The following PCDHA13 variants were observed in gnomAD, a reference collection of about 807,000 sequenced individuals.
The protein encoded by PCDHA13 is protocadherin alpha 13, also known as protocadherin alpha-13.
A neutral mutation model predicts 64.8 loss-of-function variants in PCDHA13; 54 were observed. The ratio of observed to expected loss-of-function variants is 0.83; its 90% CI spans 0.67 to 1.04. PCDHA13 has a LOEUF of 1.04. PCDHA13 is among the 50% of genes least tolerant of loss of function. The pLI, the probability that PCDHA13 is intolerant of heterozygous loss-of-function variation, is 0.00. For missense variants in PCDHA13, 1,248 were observed against 1,254.3 expected, an observed-to-expected ratio of 0.99 and a Z score of 0.08; for synonymous variants, 587 against 564.4, an observed-to-expected ratio of 1.04 and a Z score of -0.57.
At chr5:140,995,060 A>C (rs1424126097) in intron 3 of PCDHA13, among the ~76,000 whole-genome samples, 2 of 152,204 alleles carry the variant, frequency 1.3e-5, no homozygotes, top group African/African-American at 2.4e-5. Context: ...AATTTTCAAA[A>C]ATCAACCTAC....
chr5:140,900,630 G>A (rs1355486036), intron 1 of PCDHA13, among the ~76,000 whole-genome samples: 3 of 152,132 alleles, frequency 2.0e-5, no homozygotes, highest in African/African-American at 7.2e-5. Context: ...TCCAAATCTT[G>A]GCTATTGTGA....
chr5:140,895,692 A>G (rs1367486030), intron 1 of PCDHA13, among the ~76,000 whole-genome samples: 1 of 152,138 alleles, frequency 6.6e-6, no homozygotes, highest in African/African-American at 2.4e-5. Flanking sequence ...CTGTTTCTAT[A>G]TTAATTCACT....
chr5:140,925,612 G>A (rs895763627), intron 1 of PCDHA13, among the ~76,000 whole-genome samples: 2 of 150,356 alleles, frequency 1.3e-5, no homozygotes, highest in Non-Finnish European at 3.0e-5. Flanking sequence ...AAACCTGCAC[G>A]TTGTGCACAT....
At chr5:140,909,851 G>A (rs555110598) in intron 1 of PCDHA13, among the ~76,000 whole-genome samples, 17 of 152,228 alleles carry the variant, frequency 1.1e-4, no homozygotes, top group East Asian at 3.9e-4. Flanking sequence ...GGACGTTTTC[G>A]GTCCCCTGGA....
At chr5:140,942,737 A>C (rs180744405) in intron 1 of PCDHA13, among the ~76,000 whole-genome samples, 1 of 152,354 alleles carries the variant, frequency 6.6e-6, no homozygotes, top group East Asian at 1.9e-4. Context: ...AAAATATTTT[A>C]AAATCTTGTA....
intron 1 of PCDHA13, among the ~76,000 whole-genome samples, chr5:140,891,443 T>C (rs1181273099): frequency 6.7e-6 from 1 of 148,474 alleles, no homozygotes; most frequent in Non-Finnish European, 1.5e-5. Flanking sequence ...GTCCATTGTA[T>C]AGGATTTTTG....
chr5:140,935,566 T>A (rs2090441028), intron 1 of PCDHA13, among the ~76,000 whole-genome samples: 1 of 152,246 alleles, frequency 6.6e-6, no homozygotes, highest in Non-Finnish European at 1.5e-5. Context: ...AAAGTTCCTC[T>A]CTGTGTAGTT....
intron 1 of PCDHA13, among the ~76,000 whole-genome samples, chr5:140,950,918 G>C (rs1229704497): frequency 6.6e-6 from 1 of 151,584 alleles, no homozygotes; most frequent in African/African-American, 2.4e-5. Context: ...TTTTATTTCA[G>C]TTCTTTTTCT....
chr5:140,935,995 C>T (rs1282709145), intron 1 of PCDHA13, among the ~76,000 whole-genome samples: 7 of 150,888 alleles, frequency 4.6e-5, no homozygotes, highest in South Asian at 2.1e-4. Context: ...CGGGTTCAAG[C>T]GATTCTCCCA....
chr5:140,920,804 A>G (rs2079833395), intron 1 of PCDHA13, among the ~76,000 whole-genome samples: 1 of 151,364 alleles, frequency 6.6e-6, no homozygotes, highest in South Asian at 2.1e-4. Context: ...AGATCACGCC[A>G]CTGCACTCCA....
At chr5:140,967,976 C>G in intron 1 of PCDHA13, 14 of 1,614,222 alleles carry the variant, frequency 8.7e-6, no homozygotes, top group Non-Finnish European at 1.2e-5. Context: ...GAGCCTGGGT[C>G]TGGAGGCCAC....
intron 1 of PCDHA13, among the ~76,000 whole-genome samples, chr5:140,940,440 G>T (rs1348385112): frequency 1.3e-5 from 2 of 151,928 alleles, no homozygotes; most frequent in Non-Finnish European, 2.9e-5. Flanking sequence ...AGTCTGCCAT[G>T]ATATTTTTTA....
intron 1 of PCDHA13, among the ~76,000 whole-genome samples, chr5:140,916,305 G>T (rs2077519382): frequency 1.3e-5 from 2 of 152,156 alleles, no homozygotes; most frequent in South Asian, 2.1e-4. Context: ...TGGTACCAAA[G>T]GTGCAAGACA....
chr5:140,977,429 C>T (rs143756065), intron 1 of PCDHA13, among the ~76,000 whole-genome samples: 9 of 152,228 alleles, frequency 5.9e-5, no homozygotes, highest in South Asian at 2.1e-4. Context: ...CCTCTAACAC[C>T]GCTAGTAGAT....
intron 3 of PCDHA13, among the ~76,000 whole-genome samples, chr5:141,003,897 T>G (rs1554259369): frequency 6.6e-6 from 1 of 152,132 alleles, no homozygotes; most frequent in Non-Finnish European, 1.5e-5. Flanking sequence ...ACAGGCCCAT[T>G]CATTTGGGTC....
intron 3 of PCDHA13, among the ~76,000 whole-genome samples, chr5:141,007,846 A>G (rs1368916424): frequency 6.6e-6 from 1 of 152,176 alleles, no homozygotes. Flanking sequence ...TAGAGACTCA[A>G]AGTCCTTAAA....
At chr5:140,891,963 A>C (rs1202145353) in intron 1 of PCDHA13, among the ~76,000 whole-genome samples, 1 of 152,214 alleles carries the variant, frequency 6.6e-6, no homozygotes, top group African/African-American at 2.4e-5. Flanking sequence ...TGTGAGAAGT[A>C]AATTTCCGTT....
intron 1 of PCDHA13, among the ~76,000 whole-genome samples, chr5:140,950,992 G>A (rs2094539287): frequency 6.6e-6 from 1 of 151,384 alleles, no homozygotes; most frequent in Admixed American, 6.6e-5. Flanking sequence ...GCCTCTTTTA[G>A]CTCCATTTTT....
chr5:140,952,113 G>T (rs2094688731), intron 1 of PCDHA13, among the ~76,000 whole-genome samples: 1 of 151,990 alleles, frequency 6.6e-6, no homozygotes. Flanking sequence ...TCGTGTGAGG[G>T]ATGGGCTCCC....
Sources: gnomAD v4.1 joint callset for allele counts (sites outside exome capture counted in the v4.1 genomes callset) on GRCh38, gnomAD v4.1.1 for gene constraint, MANE v1.5 for transcripts, NCBI Gene and HGNC (gene_info 2026-07-23, HGNC 2026-07-21) for gene names.